IDE: variants seen among roughly 807,000 people sequenced by gnomAD.
The protein encoded by IDE is insulin degrading enzyme, also known as insulin-degrading enzyme.
In IDE, 58 loss-of-function variants were observed where a neutral mutation model predicts 133.2. The ratio of observed to expected loss-of-function variants is 0.44; its 90% CI spans 0.35 to 0.54. The LOEUF (loss-of-function observed/expected upper bound fraction) is 0.54, where lower values mean the gene tolerates loss of function less well. Ranked by LOEUF, IDE falls within the 20% of genes least tolerant of loss-of-function variation. The pLI is 0.00. For missense variants in IDE, 981 were observed against 1,234.0 expected, an observed-to-expected ratio of 0.79 and a Z score of 3.07; for synonymous variants, 396 against 421.3, an observed-to-expected ratio of 0.94 and a Z score of 0.73.
intron 10 of IDE, 104 bp from the exon 11 acceptor site, chr10:92,505,001 C>CCTG: frequency 1.7e-6 from 1 of 579,770 alleles, no homozygotes; most frequent in Non-Finnish European, 2.9e-6. Flanking sequence ...CACCCTTTCT[C>CCTG]TCTTCAGTTA....
rs751716971 is a variant in IDE, at chr10:92,465,816, T to C, written c.2348A>G (p.Asn783Ser). 1.2e-6 allele frequency: 2 copies of C among 1,613,996 alleles called. No homozygotes were observed. Among genetic ancestry groups the C allele is most frequent in the African/African-American group, 2.7e-5 (2 of 74,916 alleles). ...DRGWFVYQQR[N>S]EVHNNCGIEI... is the part of the protein sequence containing the mutation. ...GATGCCACAGTTATTGTGAACTTCATTTCTCTGCTGATAAACAAACCATCC... is the reference window on the plus strand; with the variant it reads ...GATGCCACAGTTATTGTGAACTTCACTTCTCTGCTGATAAACAAACCATCC... The change falls in exon 20 of 25, where the codon AAT becomes AGT. Residue 783 changes from asparagine to serine, a missense_variant. This residue lies in a region of IDE where 660 missense variants were observed against 894.7 expected (regional missense o/e 0.74). Coordinates refer to ENST00000265986, the MANE Select transcript of IDE (RefSeq NM_004969.4).
chr10:92,480,878 G>C (rs1846564092), intron 14 of IDE: 2 of 914,812 alleles, frequency 2.2e-6, no homozygotes, highest in African/African-American at 1.8e-5. Context: ...ACAGGTGTGA[G>C]CTATCGCACC....
chr10:92,476,213 G>T (rs1846244826), intron 15 of IDE, among the ~76,000 whole-genome samples: 1 of 146,316 alleles, frequency 6.8e-6, no homozygotes, highest in Admixed American at 6.9e-5. Context: ...CGCTCTTGTT[G>T]CCCAGGCTGG....
chr10:92,489,097 G>A (rs138912761), intron 12 of IDE, among the ~76,000 whole-genome samples: 2 of 152,176 alleles, frequency 1.3e-5, no homozygotes, highest in African/African-American at 4.8e-5. Context: ...CAGCCTTGCA[G>A]ATTTTACGGT....
chr10:92,504,016 C>A (rs1589435876), intron 11 of IDE, among the ~76,000 whole-genome samples: 1 of 88,606 alleles, frequency 1.1e-5, no homozygotes. Flanking sequence ...CCGCGCCCAG[C>A]CCAAAAAGAT....
intron 1 of IDE, among the ~76,000 whole-genome samples, chr10:92,555,739 T>C (rs1842974019): frequency 6.6e-6 from 1 of 152,186 alleles, no homozygotes; most frequent in Non-Finnish European, 1.5e-5. Context: ...TCGTACTTAA[T>C]GGTGACAGAT....
chr10:92,551,395 C>G (rs1460363666), intron 1 of IDE, among the ~76,000 whole-genome samples: 3 of 151,818 alleles, frequency 2.0e-5, no homozygotes, highest in African/African-American at 7.3e-5. Context: ...CGGTGAAACC[C>G]CATCTCTACT....
At chr10:92,500,942 G>C (rs1397357265) in intron 11 of IDE, among the ~76,000 whole-genome samples, 2 of 151,788 alleles carry the variant, frequency 1.3e-5, no homozygotes, top group Non-Finnish European at 2.9e-5. Flanking sequence ...TTGGGAGGCT[G>C]AGGCAAGAGA....
At chr10:92,514,227 T>A (rs1296917757) in intron 5 of IDE, among the ~76,000 whole-genome samples, 1 of 152,146 alleles carries the variant, frequency 6.6e-6, no homozygotes. Context: ...ATTACCAATA[T>A]AAAAAAGCAA....
chr10:92,530,051 C>T (rs988551737), intron 4 of IDE, among the ~76,000 whole-genome samples: 21 of 151,930 alleles, frequency 1.4e-4, no homozygotes, highest in Non-Finnish European at 2.6e-4. Context: ...CATGGAGAAA[C>T]CCCGCCTCTA....
intron 4 of IDE, among the ~76,000 whole-genome samples, chr10:92,515,663 G>C (rs763192420): frequency 4.7e-4 from 70 of 148,816 alleles, no homozygotes; most frequent in Non-Finnish European, 4.4e-4. Flanking sequence ...CCGGGTTCAA[G>C]TGATTCTCCT....
chr10:92,501,897 C>G (rs1318289091), intron 11 of IDE, among the ~76,000 whole-genome samples: 2 of 152,060 alleles, frequency 1.3e-5, no homozygotes, highest in Non-Finnish European at 2.9e-5. Context: ...ATTGCTTGAA[C>G]CTGGGAGGCG....
intron 3 of IDE, 35 bp downstream of exon 3, chr10:92,534,543 C>CAA: frequency 8.3e-7 from 1 of 1,208,390 alleles, no homozygotes; most frequent in Non-Finnish European, 1.2e-6. Context: ...GATAAGTACA[C>CAA]AAAGTTGGAT....
In IDE at chr10:92,465,824, C is replaced by T. The variant is rs1396585938; in HGVS notation, c.2340G>A (p.Gln780=). The stretch of plus-strand genomic sequence containing the variant: ...AGTTATTGTGAACTTCATTTCTCTG[C>T]TGATAAACAAACCATCCTCCTAGGA... ...QLPDRGWFVY[Q]QRNEVHNNCG... Residue 780 remains glutamine (Q), a synonymous_variant, in exon 20 of 25, where the codon CAG becomes CAA. Coordinates refer to ENST00000265986, the MANE Select transcript of IDE (RefSeq NM_004969.4). The T allele has an allele frequency of 3.7e-6, 6 of 1,613,948 alleles. No homozygotes were observed. In the Admixed American group the frequency reaches 8.3e-5, roughly 22 times the overall value.
intron 1 of IDE, among the ~76,000 whole-genome samples, chr10:92,555,071 G>T (rs1014590115): frequency 6.6e-6 from 1 of 152,164 alleles, no homozygotes; most frequent in South Asian, 2.1e-4. Flanking sequence ...AGCAAACAAT[G>T]AACGTATTCA....
At chr10:92,528,441 A>G (rs1849742190) in intron 4 of IDE, among the ~76,000 whole-genome samples, 1 of 151,408 alleles carries the variant, frequency 6.6e-6, no homozygotes, top group Non-Finnish European at 1.5e-5. Context: ...TTAAAGTATT[A>G]GCAGATCAGA....
intron 3 of IDE, 82 bp from the exon 4 acceptor site, chr10:92,531,999 A>G: frequency 1.0e-6 from 1 of 994,710 alleles, no homozygotes; most frequent in Non-Finnish European, 1.4e-6. Context: ...GGAACTTATT[A>G]GATAGGAAAT....
intron 4 of IDE, among the ~76,000 whole-genome samples, chr10:92,525,752 G>GAAAAAAAAAAAA (rs59547662): frequency 8.6e-6 from 1 of 116,412 alleles, no homozygotes; most frequent in Non-Finnish European, 1.8e-5. Context: ...TGAACAATCT[G>GAAAAAAAAAAAA]AAAAAAAAAA....
chr10:92,535,879 T>C (rs1219924500), intron 2 of IDE, among the ~76,000 whole-genome samples: 4 of 151,512 alleles, frequency 2.6e-5, no homozygotes, highest in Non-Finnish European at 5.9e-5. Context: ...CTAATAAAAA[T>C]ACAAAAATTA....
Sources: gnomAD v4.1 joint callset for allele counts (sites outside exome capture counted in the v4.1 genomes callset) on GRCh38, gnomAD v4.1.1 for gene constraint, gnomAD v4.1.1 regional missense constraint, MANE v1.5 for transcripts, NCBI Gene and HGNC (gene_info 2026-07-23, HGNC 2026-07-21) for gene names.